AMBRA1: variants seen among roughly 807,000 people sequenced by gnomAD.
AMBRA1 encodes autophagy and beclin 1 regulator 1, also known as activating molecule in BECN1-regulated autophagy protein 1.
In AMBRA1, 47 loss-of-function variants were observed where a neutral mutation model predicts 125.4. The ratio of observed to expected loss-of-function variants is 0.37; its 90% CI spans 0.30 to 0.48. AMBRA1 has a LOEUF of 0.48. Among genes scored for constraint, AMBRA1 ranks in the 20% least tolerant of loss-of-function variants. The pLI, the probability that AMBRA1 is intolerant of heterozygous loss-of-function variation, is 0.99. For missense variants in AMBRA1, 1,331 were observed against 1,693.4 expected (o/e 0.79, Z 3.76); for synonymous variants, 626 against 655.5 (o/e 0.95, Z 0.69).
intron 1 of AMBRA1, among the ~76,000 whole-genome samples, chr11:46,559,893 A>T (rs1244798339): frequency 6.6e-6 from 1 of 152,228 alleles, no homozygotes; most frequent in Non-Finnish European, 1.5e-5. Context: ...TCCTTGGAGA[A>T]TCTTAGGGGA....
intron 12 of AMBRA1, among the ~76,000 whole-genome samples, chr11:46,439,765 TG>T (rs1466519949): frequency 6.6e-6 from 1 of 152,106 alleles, no homozygotes; most frequent in African/African-American, 2.4e-5. Context: ...CCTGTAAAAT[TG>T]CTAAGGAAAA....
At chr11:46,489,889 G>C (rs1330956322) in intron 11 of AMBRA1, among the ~76,000 whole-genome samples, 1 of 152,210 alleles carries the variant, frequency 6.6e-6, no homozygotes, top group Admixed American at 6.5e-5. Flanking sequence ...ACAGACGACA[G>C]AACAGAACTC....
intron 11 of AMBRA1, among the ~76,000 whole-genome samples, chr11:46,459,957 C>T (rs1186220314): frequency 6.6e-6 from 1 of 152,052 alleles, no homozygotes; most frequent in Non-Finnish European, 1.5e-5. Context: ...CACTGAGTGC[C>T]GGTCAGAATA....
intron 5 of AMBRA1, 127 bp downstream of exon 5, chr11:46,545,477 G>A: frequency 9.0e-7 from 1 of 1,107,738 alleles, no homozygotes; most frequent in Non-Finnish European, 1.3e-6. Flanking sequence ...AAAAATAGGA[G>A]GAGCTATGAG....
At chr11:46,435,738 A>G (rs1014110681) in intron 12 of AMBRA1, among the ~76,000 whole-genome samples, 2 of 152,246 alleles carry the variant, frequency 1.3e-5, no homozygotes, top group African/African-American at 4.8e-5. Flanking sequence ...GCTCCTGAGA[A>G]CAAACTGCAG....
intron 11 of AMBRA1, among the ~76,000 whole-genome samples, chr11:46,466,915 CTTTTTTCTT>C (rs1487995962): frequency 1.0e-5 from 1 of 100,414 alleles, no homozygotes; most frequent in Non-Finnish European, 1.8e-5. Flanking sequence ...TTTTTCTTTT[CTTTTTTCTT>C]TTTTTTTTTT....
intron 7 of AMBRA1, among the ~76,000 whole-genome samples, chr11:46,524,030 A>G (rs7124013): frequency 1 from 152,266 of 152,272 alleles, 76,130 homozygotes; most frequent in Non-Finnish European, 1. Context: ...CACCATGCCC[A>G]GCTAATTTTG....
Position 46,512,815 on chromosome 11 carries a change from T to A in AMBRA1, c.2073-2A>T. On this transcript the variant is annotated splice_acceptor_variant, in intron 7 of 17. Transcript: ENST00000683756. LOFTEE classifies it high-confidence loss of function. ...ATGAGGGAAGATTCCAGCAGCCTCC[T>A]AGCAGAGATTAAAAAAATGGCAATA... 6.2e-7 allele frequency: 1 copy of A among 1,608,646 alleles called. No individual in the cohort carries two copies. Among genetic ancestry groups the A allele is most frequent in the Middle Eastern group, 1.7e-4 (1 of 6,042 alleles).
At chr11:46,415,459 T>C (rs753763355) in intron 15 of AMBRA1, among the ~76,000 whole-genome samples, 1 of 152,264 alleles carries the variant, frequency 6.6e-6, no homozygotes, top group African/African-American at 2.4e-5. Context: ...AAAAGCGCTC[T>C]GGATAGTAAA....
At chr11:46,520,448 C>T (rs1029681582) in intron 7 of AMBRA1, among the ~76,000 whole-genome samples, 3 of 152,132 alleles carry the variant, frequency 2.0e-5, no homozygotes, top group Non-Finnish European at 2.9e-5. Flanking sequence ...ATCCCACCTA[C>T]GTTATTTATC....
intron 7 of AMBRA1, among the ~76,000 whole-genome samples, chr11:46,532,256 T>C (rs761221749): frequency 5.3e-5 from 8 of 152,180 alleles, no homozygotes; most frequent in East Asian, 1.9e-4. Context: ...TTGTCAGAGA[T>C]AGAACAGGGC....
In AMBRA1 at chr11:46,581,335, G is replaced by A. The variant is rs1218839578; in HGVS notation, c.-121+12493C>T. Among the ~76,000 whole-genome samples, 4 of 151,638 alleles carry A rather than the reference G, an allele frequency of 2.6e-5. No individual in the cohort carries two copies. In the South Asian group the frequency reaches 6.3e-4, roughly 24 times the overall value. On this transcript the variant is annotated intron_variant, in intron 1 of 17. Transcript: ENST00000683756. ...TAAAAATGAAAAAATTAGGCCAGGC[G>A]CAGTGGCTCACACCTGTAATCCCAG...
At chr11:46,503,060 CAAAAAAAAAAAAAAAA>C (rs35217088) in intron 9 of AMBRA1, among the ~76,000 whole-genome samples, 2 of 31,024 alleles carry the variant, frequency 6.4e-5, no homozygotes, top group African/African-American at 1.6e-4. Flanking sequence ...GACTCTGTCT[CAAAAAAAAAAAAAAAA>C]AAAAAAAAAA....
chr11:46,438,978 T>C (rs1947864568), intron 12 of AMBRA1, among the ~76,000 whole-genome samples: 1 of 152,056 alleles, frequency 6.6e-6, no homozygotes, highest in Admixed American at 6.5e-5. Context: ...GCTGAACTCA[T>C]CAGTAAAACA....
chr11:46,488,947 C>T (rs936634152), intron 11 of AMBRA1, among the ~76,000 whole-genome samples: 6 of 152,138 alleles, frequency 3.9e-5, no homozygotes, highest in Admixed American at 2.6e-4. Context: ...CTTGCTCTGT[C>T]GCCCAAGTGC....
rs1193443529 is a variant in AMBRA1 at position 46,508,230 on chromosome 11, G to A, written c.2300C>T (p.Pro767Leu). The A allele has an allele frequency of 6.2e-7, 1 of 1,614,196 alleles. No homozygotes were observed. The highest frequency in any genetic ancestry group is 1.1e-5 in the South Asian group (1 of 91,084). Reference sequence around the variant, plus strand: ...TTCCAAGTCGGTTCCCTCTACTGATGGACCCTGGTTGTCTGAGGAAGAGGA... The same window carrying A: ...TTCCAAGTCGGTTCCCTCTACTGATAGACCCTGGTTGTCTGAGGAAGAGGA... ...TSSSSSDNQG[P>L]SVEGTDLEFE... Residue 767 changes from proline to leucine, a missense_variant, in exon 9 of 18, where the codon CCA (proline) becomes CTA (leucine). Physicochemically the swap from Pro to Leu is moderately conservative, Grantham distance 98. Around this residue, in one of 4 missense-constraint regions of AMBRA1, gnomAD observed 689 missense variants for 776.5 expected, o/e 0.89. Coordinates refer to ENST00000683756, the MANE Select transcript of AMBRA1 (RefSeq NM_001387011.1).
At chr11:46,465,757 C>A (rs901411678) in intron 11 of AMBRA1, among the ~76,000 whole-genome samples, 1 of 152,210 alleles carries the variant, frequency 6.6e-6, no homozygotes, top group African/African-American at 2.4e-5. Context: ...AATAGTGATG[C>A]TCATGATAAA....
At chr11:46,416,173 A>T (rs1024883458) in intron 15 of AMBRA1, among the ~76,000 whole-genome samples, 1 of 152,210 alleles carries the variant, frequency 6.6e-6, no homozygotes, top group Non-Finnish European at 1.5e-5. Flanking sequence ...ATTCTGTGCC[A>T]GTTTTGGAAA....
intron 17 of AMBRA1, 102 bp from the exon 18 acceptor site, chr11:46,398,045 C>T (rs1044973677): frequency 1.7e-5 from 24 of 1,431,600 alleles, no homozygotes; most frequent in South Asian, 4.2e-5. Flanking sequence ...CTTGACTAAA[C>T]GCAGGATAGA....
Sources: gnomAD v4.1 joint callset for allele counts (sites outside exome capture counted in the v4.1 genomes callset) on GRCh38, gnomAD v4.1.1 for gene constraint, gnomAD v4.1.1 regional missense constraint, MANE v1.5 for transcripts, NCBI Gene and HGNC (gene_info 2026-07-23, HGNC 2026-07-21) for gene names.